HELLS: variants seen among roughly 807,000 people sequenced by gnomAD.
The protein encoded by HELLS is lymphoid-specific helicase.
HELLS carries 32 observed loss-of-function variants against 120.0 expected under a neutral mutation model. The ratio of observed to expected loss-of-function variants is 0.27; its 90% CI spans 0.20 to 0.36. The LOEUF (loss-of-function observed/expected upper bound fraction) is 0.36. HELLS is among the 10% of genes least tolerant of loss of function. The pLI is 1.00. For missense variants in HELLS, 650 were observed against 993.4 expected (o/e 0.65, Z 4.65); for synonymous variants, 341 against 323.4 (o/e 1.05, Z -0.58).
At chr10:94,606,331 C>T (rs1327720732), downstream of HELLS, among the ~76,000 whole-genome samples, 1 of 151,742 alleles carries the variant, frequency 6.6e-6, no homozygotes, top group Non-Finnish European at 1.5e-5. Flanking sequence ...AATGTGTGGT[C>T]CCTTCTCTGC....
intron 3 of HELLS, among the ~76,000 whole-genome samples, chr10:94,554,645 T>C (rs917569861): frequency 8.7e-6 from 1 of 115,510 alleles, no homozygotes; most frequent in Non-Finnish European, 1.8e-5. Flanking sequence ...AGTAATAGTG[T>C]TTTTTTTTTT....
At chr10:94,546,070 A>G in intron 1 of HELLS, 118 bp downstream of exon 1, 1 of 1,223,734 alleles carries the variant, frequency 8.2e-7, no homozygotes, top group Non-Finnish European at 1.2e-6. Flanking sequence ...ACTGAGGAGG[A>G]AAGGAGGGTT....
intron 19 of HELLS, among the ~76,000 whole-genome samples, chr10:94,595,992 A>G (rs1309353633): frequency 6.6e-6 from 1 of 152,136 alleles, no homozygotes; most frequent in African/African-American, 2.4e-5. Context: ...GGGAAAAAGC[A>G]TAATTTTTTT....
At chr10:94,595,115 C>A (rs2134121116) in intron 19 of HELLS, among the ~76,000 whole-genome samples, 1 of 152,118 alleles carries the variant, frequency 6.6e-6, no homozygotes, top group East Asian at 1.9e-4. Flanking sequence ...GTAATCCCAG[C>A]TACTCAGGAA....
chr10:94,596,806 T>G, intron 19 of HELLS, 54 bp from the exon 20 acceptor site: 1 of 899,624 alleles, frequency 1.1e-6, no homozygotes, highest in South Asian at 1.5e-5. Flanking sequence ...TGTAATATGT[T>G]GTATTGTAGT....
At position 94,601,577 on chromosome 10, in the gene HELLS, G is replaced by C; in HGVS notation, c.2472G>C (p.Lys824Asn). ...GPIKEKMGIF[K>N]ILENSEDSSP... ...TTAAAGAGAAGATGGGGATATTCAA[G>C]ATATTAGAAAATTCTGAAGATTCCA... The change falls in exon 22 of 22, where the codon AAG becomes AAC. Residue 824 changes from lysine (K) to asparagine (N), a missense_variant. Physicochemically the swap from Lys to Asn is moderately conservative, Grantham distance 94 (BLOSUM62 0). This residue lies in a region of HELLS where 90 missense variants were observed against 109.2 expected (regional missense o/e 0.82). Coordinates refer to ENST00000348459, the MANE Select transcript of HELLS (RefSeq NM_018063.5). 1 of 1,589,776 alleles carries C rather than the reference G, an allele frequency of 6.3e-7. No homozygotes were observed. The highest frequency in any genetic ancestry group is 2.2e-5 in the East Asian group (1 of 44,496).
Position 94,609,011 on chromosome 10 carries a change from CTTTTTTTTTTT to C in HELLS, c.*2-823_*2-813del, listed in dbSNP as rs71031590. On this transcript the variant is annotated intron_variant, in intron 9 of 9. Coordinates refer to the HELLS transcript ENST00000371327. ...TTACACTTTTTGTCTGTATCCACCT[CTTTTTTTTTTT>C]TTTTTTTTTTTTTTTTTTGAGATGG... is the stretch of plus-strand genomic sequence containing the variant. 2.9e-3 allele frequency among the ~76,000 whole-genome samples: 196 copies of C among 68,244 alleles called. 3 individuals carry two copies. Among genetic ancestry groups the C allele is most frequent in the African/African-American group, 8.8e-3 (153 of 17,410 alleles). The allele number at this position is 68,244 out of a possible 152,430, so 44.8% of individuals were successfully genotyped here. A position where few individuals can be genotyped will look rare whatever the true frequency, so the allele number is the denominator to read the frequency against.
chr10:94,608,589 T>G (rs1366775637), intron 9 of HELLS, among the ~76,000 whole-genome samples: 2 of 152,126 alleles, frequency 1.3e-5, no homozygotes, highest in East Asian at 3.8e-4. Context: ...AAAAGAAATG[T>G]TATTTGTAAA....
chr10:94,575,137 T>C (rs1467675380), intron 9 of HELLS, among the ~76,000 whole-genome samples: 1 of 149,518 alleles, frequency 6.7e-6, no homozygotes, highest in Non-Finnish European at 1.5e-5. Context: ...GGAGTCTCTG[T>C]TACCCAGGCT....
chr10:94,577,771 C>T (rs1409489233), intron 10 of HELLS: 2 of 152,272 alleles, frequency 1.3e-5, no homozygotes, highest in Non-Finnish European at 2.9e-5. Context: ...ACTAAAAATA[C>T]AAAAATTAGG....
chr10:94,558,051 TA>T, intron 3 of HELLS, 87 bp from the exon 4 acceptor site: 1 of 1,464,612 alleles, frequency 6.8e-7, no homozygotes. Context: ...TTTCTCATTG[TA>T]AACATAAGTT....
intron 15 of HELLS, among the ~76,000 whole-genome samples, 182 bp from the exon 16 acceptor site, chr10:94,592,047 C>T (rs1181508550): frequency 1.3e-5 from 2 of 152,158 alleles, no homozygotes; most frequent in African/African-American, 2.4e-5. Context: ...GCTGGTTTTA[C>T]ATTCTAGAGT....
rs1456130895 is a variant in HELLS at position 94,596,698 on chromosome 10, C to G, written c.2249-162C>G. Among the ~76,000 whole-genome samples, 3 of 152,142 alleles carry G rather than the reference C, an allele frequency of 2.0e-5. No individual in the cohort carries two copies. In the East Asian group the frequency reaches 5.8e-4, roughly 29 times the overall value. On this transcript the variant is annotated intron_variant, in intron 19 of 21. Coordinates refer to ENST00000348459, the MANE Select transcript of HELLS (RefSeq NM_018063.5). The stretch of plus-strand genomic sequence containing the variant: ...TTTTCCAAAGTGGACATATCATTTT[C>G]CAGTCCTACCAGCGAAGCCTGAGAG...
downstream of HELLS, among the ~76,000 whole-genome samples, chr10:94,606,623 T>A (rs1846132702): frequency 6.6e-6 from 1 of 152,196 alleles, no homozygotes; most frequent in South Asian, 2.1e-4. Flanking sequence ...GCATTGGTAT[T>A]ATATGTATGA....
At chr10:94,592,083 T>C (rs535566468) in intron 15 of HELLS, 146 bp from the exon 16 acceptor site, 2 of 578,848 alleles carry the variant, frequency 3.5e-6, no homozygotes, top group African/African-American at 1.9e-5. Flanking sequence ...AACTATCTTC[T>C]GATTTTACAA....
intron 7 of HELLS, among the ~76,000 whole-genome samples, chr10:94,573,085 A>C (rs972526399): frequency 6.6e-6 from 1 of 151,830 alleles, no homozygotes; most frequent in African/African-American, 2.4e-5. Context: ...TCAGCCTCCC[A>C]AGTAGCTGGG....
At chr10:94,599,544 A>G (rs1390242344) in intron 21 of HELLS, among the ~76,000 whole-genome samples, 1 of 152,050 alleles carries the variant, frequency 6.6e-6, no homozygotes, top group Non-Finnish European at 1.5e-5. Flanking sequence ...TTTTGTAGAG[A>G]CAGGGGTTTG....
chr10:94,557,994 C>CTT (rs1025635527), intron 3 of HELLS, 145 bp from the exon 4 acceptor site: 3 of 1,046,256 alleles, frequency 2.9e-6, no homozygotes, highest in African/African-American at 1.7e-5. Flanking sequence ...TCCATAAAGG[C>CTT]TTGAAGTACA....
intron 7 of HELLS, 127 bp downstream of exon 7, chr10:94,571,556 A>G (rs930862578): frequency 1.5e-6 from 1 of 686,364 alleles, no homozygotes; most frequent in African/African-American, 1.9e-5. Context: ...TTAAAAAAAA[A>G]TACCTATGTA....
Sources: gnomAD v4.1 joint callset for allele counts (sites outside exome capture counted in the v4.1 genomes callset) on GRCh38, gnomAD v4.1.1 for gene constraint, gnomAD v4.1.1 regional missense constraint, MANE v1.5 for transcripts, NCBI Gene and HGNC (gene_info 2026-07-23, HGNC 2026-07-21) for gene names.